Variants in IMMP2L observed in about 807,000 individuals in gnomAD.
IMMP2L encodes inner mitochondrial membrane peptidase subunit 2, also known as mitochondrial inner membrane protease subunit 2.
IMMP2L carries 18 observed loss-of-function variants against 19.3 expected under a neutral mutation model. The observed-to-expected ratio is 0.93, with a 90% confidence interval of 0.64 to 1.38. The LOEUF (loss-of-function observed/expected upper bound fraction) is 1.38. Ranked by LOEUF, IMMP2L falls within the 40% of genes most tolerant of loss-of-function variation. The probability of loss-of-function intolerance (pLI) is 0.00; values close to 1 mark genes in which losing one functional copy is unlikely to be tolerated. For synonymous variants in IMMP2L, 76 were observed against 73.0 expected (o/e 1.04, Z -0.21); for missense variants, 233 against 218.2 (o/e 1.07, Z -0.43).
At chr7:111,050,801 A>G (rs1323702711) in intron 3 of IMMP2L, among the ~76,000 whole-genome samples, 1 of 152,218 alleles carries the variant, frequency 6.6e-6, no homozygotes, top group Non-Finnish European at 1.5e-5. Flanking sequence ...GCCCTTAAAA[A>G]CACACATCTG....
intron 5 of IMMP2L, among the ~76,000 whole-genome samples, chr7:110,813,041 A>T (rs1173914721): frequency 1.3e-5 from 2 of 152,082 alleles, no homozygotes; most frequent in Non-Finnish European, 1.5e-5. Flanking sequence ...AATTAGAGTT[A>T]CGAGGAATCA....
intron 2 of IMMP2L, among the ~76,000 whole-genome samples, chr7:111,514,926 AGTAGT>A (rs1285034950): frequency 6.6e-6 from 1 of 152,104 alleles, no homozygotes; most frequent in Non-Finnish European, 1.5e-5. Flanking sequence ...AAGTGATATA[AGTAGT>A]GCTTTGCTTG....
chr7:111,227,857 C>T (rs145477631), intron 3 of IMMP2L, among the ~76,000 whole-genome samples: 5 of 152,186 alleles, frequency 3.3e-5, no homozygotes, highest in African/African-American at 1.2e-4. Flanking sequence ...TAAAGTTAAT[C>T]CAGAGTGGTA....
intron 3 of IMMP2L, among the ~76,000 whole-genome samples, chr7:111,085,268 G>A (rs1796219743): frequency 6.6e-6 from 1 of 152,172 alleles, no homozygotes; most frequent in South Asian, 2.1e-4. Context: ...TATATACACA[G>A]TAATGGGATT....
chr7:111,546,984 G>A (rs1848986407), intron 1 of IMMP2L, among the ~76,000 whole-genome samples: 3 of 152,158 alleles, frequency 2.0e-5, no homozygotes, highest in Admixed American at 6.6e-5. Flanking sequence ...TAGTGAAAAA[G>A]AGAAAAAGCT....
chr7:110,774,676 G>A (rs1584787898), intron 5 of IMMP2L, among the ~76,000 whole-genome samples: 1 of 151,962 alleles, frequency 6.6e-6, no homozygotes, highest in East Asian at 1.9e-4. Flanking sequence ...TGTTACAAGT[G>A]CCTACGGTAT....
Position 110,924,207 on chromosome 7 carries a change from TAGAC to T in IMMP2L, c.306-37516_306-37513del, listed in dbSNP as rs1432159705. ...AGCCAGGTTTGGGCCTATAAGAACATAGACAGCACTGTTTCTCCCCAGTGTGTCT... is the reference window on the plus strand; with the variant it reads ...AGCCAGGTTTGGGCCTATAAGAACATAGCACTGTTTCTCCCCAGTGTGTCT... On this transcript the variant is annotated intron_variant, in intron 4 of 5. Transcript: ENST00000405709. The surrounding 1 kb of genome is among the most constrained non-coding windows in gnomAD (Gnocchi z 4.2). Among the ~76,000 whole-genome samples, 1 of 152,202 alleles carries T rather than the reference TAGAC, an allele frequency of 6.6e-6. No individual in the cohort carries two copies. The highest frequency in any genetic ancestry group is 2.4e-5 in the African/African-American group (1 of 41,450).
intron 3 of IMMP2L, among the ~76,000 whole-genome samples, chr7:111,223,663 C>T (rs1226348259): frequency 6.6e-6 from 1 of 152,052 alleles, no homozygotes; most frequent in East Asian, 1.9e-4. Context: ...AGCAAATCTC[C>T]ATTCTCTGTA....
chr7:111,061,602 A>G (rs1266643000), intron 3 of IMMP2L, among the ~76,000 whole-genome samples: 1 of 152,128 alleles, frequency 6.6e-6, no homozygotes, highest in Non-Finnish European at 1.5e-5. Flanking sequence ...TCAAGTCCAC[A>G]GGTTCTTCAC....
intron 3 of IMMP2L, among the ~76,000 whole-genome samples, chr7:110,981,121 T>A (rs1821250193): frequency 6.6e-6 from 1 of 152,216 alleles, no homozygotes; most frequent in South Asian, 2.1e-4. Flanking sequence ...TAGAAAATTA[T>A]ACAAGCCTTA....
chr7:110,881,563 T>G (rs1464952375), intron 5 of IMMP2L, among the ~76,000 whole-genome samples: 1 of 152,196 alleles, frequency 6.6e-6, no homozygotes, highest in African/African-American at 2.4e-5. Context: ...CACCATTTTT[T>G]CAAAGAAAGT....
intron 2 of IMMP2L, among the ~76,000 whole-genome samples, chr7:111,520,010 G>C (rs1313338019): frequency 6.6e-6 from 1 of 152,100 alleles, no homozygotes; most frequent in Non-Finnish European, 1.5e-5. Context: ...TGAAGAATCT[G>C]ACTCCAAAGC....
At chr7:111,482,643 A>C (rs952267209) in intron 3 of IMMP2L, among the ~76,000 whole-genome samples, 2 of 152,152 alleles carry the variant, frequency 1.3e-5, no homozygotes, top group African/African-American at 2.4e-5. Context: ...ACTAAAAAAA[A>C]ACCCATGCCT....
At chr7:111,476,905 G>T (rs1247198372) in intron 3 of IMMP2L, among the ~76,000 whole-genome samples, 4 of 152,068 alleles carry the variant, frequency 2.6e-5, no homozygotes, top group African/African-American at 4.8e-5. Flanking sequence ...GATAATCCAG[G>T]ATAACCTTTA....
intron 3 of IMMP2L, among the ~76,000 whole-genome samples, chr7:111,294,510 T>C (rs1821427029): frequency 6.6e-6 from 1 of 151,928 alleles, no homozygotes; most frequent in African/African-American, 2.4e-5. Context: ...CTGTAATTCT[T>C]TTTCCGTGTT....
intron 3 of IMMP2L, among the ~76,000 whole-genome samples, chr7:111,176,604 G>A (rs183631566): frequency 6.6e-6 from 1 of 151,954 alleles, no homozygotes. Flanking sequence ...AGAGAAGAAT[G>A]ATGGTTATCA....
At chr7:110,733,267 C>T (rs1212670647) in intron 5 of IMMP2L, among the ~76,000 whole-genome samples, 3 of 152,044 alleles carry the variant, frequency 2.0e-5, no homozygotes, top group African/African-American at 7.2e-5. Context: ...GTTATTATTC[C>T]CAAGCTAGCT....
intron 3 of IMMP2L, among the ~76,000 whole-genome samples, chr7:111,471,280 C>T (rs909808227): frequency 3.3e-5 from 5 of 152,056 alleles, no homozygotes; most frequent in Non-Finnish European, 7.4e-5. Flanking sequence ...GCAAAATGTA[C>T]TGATTTACCC....
intron 3 of IMMP2L, among the ~76,000 whole-genome samples, chr7:111,139,117 CA>C (rs1027893784): frequency 2.0e-5 from 3 of 150,684 alleles, no homozygotes; most frequent in Admixed American, 6.6e-5. Context: ...AGTATTTCAC[CA>C]AAAAAAAGGA....
Sources: gnomAD v4.1 joint callset for allele counts (sites outside exome capture counted in the v4.1 genomes callset) on GRCh38, gnomAD v4.1.1 for gene constraint, Gnocchi (gnomAD v3.1) non-coding constraint, MANE v1.5 for transcripts, NCBI Gene and HGNC (gene_info 2026-07-23, HGNC 2026-07-21) for gene names.